The following FAM227B variants were observed in gnomAD, a reference collection of about 807,000 sequenced individuals.
FAM227B encodes protein FAM227B.
FAM227B carries 88 observed loss-of-function variants against 73.8 expected under a neutral mutation model. That is an observed-to-expected ratio of 1.19 (90% CI 1.00 to 1.42). The LOEUF (loss-of-function observed/expected upper bound fraction) is 1.42. Among genes scored for constraint, FAM227B ranks in the 40% most tolerant of loss-of-function variants. The pLI is 0.00. For missense variants in FAM227B, 632 were observed against 590.9 expected, an observed-to-expected ratio of 1.07 and a Z score of -0.72; for synonymous variants, 210 against 190.5, an observed-to-expected ratio of 1.10 and a Z score of -0.84.
chr15:49,584,841 C>T (rs182621831), intron 5 of FAM227B, among the ~76,000 whole-genome samples: 15 of 152,030 alleles, frequency 9.9e-5, no homozygotes, highest in Middle Eastern at 3.4e-3. Context: ...AAACACTTCT[C>T]GGATCTAATT....
chr15:49,338,458 A>C (rs989832936), intron 13 of FAM227B, among the ~76,000 whole-genome samples: 11 of 151,930 alleles, frequency 7.2e-5, no homozygotes, highest in African/African-American at 2.4e-4. Flanking sequence ...TTGGCTCCCA[A>C]TCTCTTCTGG....
At chr15:49,414,124 C>A (rs764441884) in intron 11 of FAM227B, among the ~76,000 whole-genome samples, 1 of 152,046 alleles carries the variant, frequency 6.6e-6, no homozygotes, top group Non-Finnish European at 1.5e-5. Context: ...ATAATGCACA[C>A]TATTCGAATA....
rs531639491 is a variant in FAM227B at position 49,415,155 on chromosome 15, T to G, written c.1013-43756A>C. ...CAGTTTTGCTACTAACACATTGATA[T>G]CCAGGAAACATTTTTAAAAGAAAAA... On this transcript the variant is annotated intron_variant, in intron 11 of 15. Coordinates refer to ENST00000299338, the MANE Select transcript of FAM227B (RefSeq NM_152647.3). 9.0e-4 allele frequency among the ~76,000 whole-genome samples: 137 copies of G among 152,296 alleles called. 5 individuals carry two copies. In the South Asian group the frequency reaches 0.027, roughly 30 times the overall value.
intron 11 of FAM227B, among the ~76,000 whole-genome samples, chr15:49,471,365 T>TA (rs1263483535): frequency 4.6e-5 from 7 of 151,632 alleles, no homozygotes; most frequent in African/African-American, 1.7e-4. Flanking sequence ...AACCTGTAAT[T>TA]ACAGCTACTC....
At chr15:49,581,327 ATTC>A (rs2075797114) in intron 5 of FAM227B, among the ~76,000 whole-genome samples, 1 of 151,238 alleles carries the variant, frequency 6.6e-6, no homozygotes. Context: ...TATATTCAGT[ATTC>A]TTTTTTTTTT....
At chr15:49,483,316 C>T in intron 11 of FAM227B, 1 of 822,708 alleles carries the variant, frequency 1.2e-6, no homozygotes, top group South Asian at 1.4e-5. Flanking sequence ...AATATCTCAC[C>T]TTTCTGAAAA....
intron 5 of FAM227B, among the ~76,000 whole-genome samples, chr15:49,586,004 T>C (rs1301087665): frequency 6.6e-6 from 1 of 152,162 alleles, no homozygotes; most frequent in Non-Finnish European, 1.5e-5. Flanking sequence ...CCAATCACAT[T>C]ATTCACAGAA....
chr15:49,393,309 C>T (rs886134421), intron 11 of FAM227B, among the ~76,000 whole-genome samples: 1 of 152,062 alleles, frequency 6.6e-6, no homozygotes, highest in East Asian at 1.9e-4. Context: ...ATCATTTCCT[C>T]TTTGTTTGGA....
intron 10 of FAM227B, among the ~76,000 whole-genome samples, chr15:49,524,003 G>C (rs1597868408): frequency 6.6e-6 from 1 of 150,772 alleles, no homozygotes; most frequent in East Asian, 1.9e-4. Flanking sequence ...CAGTTTTAAA[G>C]GGAAACAGAG....
Position 49,328,512 on chromosome 15 carries a change from C to CTGAT in FAM227B, c.*52_*55dup. On this transcript the variant is annotated 3_prime_UTR_variant, in exon 16 of 16. Transcript: ENST00000299338. ...AATTAAATATATTGTTACAATTAAA[C>CTGAT]TGATACCACTGAATTGTATGCATTA... The CTGAT allele has an allele frequency of 1.0e-5, 16 of 1,595,090 alleles. No homozygotes were observed. The Middle Eastern group carries it at 5.0e-4, about 50-fold the overall frequency.
intron 11 of FAM227B, chr15:49,395,905 G>A: frequency 4.4e-6 from 2 of 455,588 alleles, no homozygotes; most frequent in Middle Eastern, 3.3e-4. Flanking sequence ...AAACTTCCAG[G>A]TTCTTAATTT....
At chr15:49,339,212 T>G (rs1313807918) in intron 13 of FAM227B, among the ~76,000 whole-genome samples, 2 of 152,202 alleles carry the variant, frequency 1.3e-5, no homozygotes, top group African/African-American at 4.8e-5. Context: ...GAAGAGGCAT[T>G]CTGGTTTTTG....
chr15:49,601,041 CAAAAAAAAA>C (rs1215100007), intron 3 of FAM227B, among the ~76,000 whole-genome samples: 2 of 90,852 alleles, frequency 2.2e-5, no homozygotes, highest in Non-Finnish European at 4.3e-5. Flanking sequence ...GACTCTGTCT[CAAAAAAAAA>C]AAAAAAGAAT....
chr15:49,429,624 C>T (rs2050418316), intron 11 of FAM227B, among the ~76,000 whole-genome samples: 1 of 151,926 alleles, frequency 6.6e-6, no homozygotes, highest in African/African-American at 2.4e-5. Context: ...ATTTTTCTAT[C>T]TCTCAACCTT....
intron 2 of FAM227B, among the ~76,000 whole-genome samples, chr15:49,611,548 C>T (rs1450780277): frequency 6.6e-6 from 1 of 152,156 alleles, no homozygotes; most frequent in African/African-American, 2.4e-5. Flanking sequence ...GTCCTCATTT[C>T]AGATTCCTAA....
chr15:49,374,079 G>C (rs2046005681), intron 11 of FAM227B, among the ~76,000 whole-genome samples: 1 of 152,062 alleles, frequency 6.6e-6, no homozygotes, highest in African/African-American at 2.4e-5. Context: ...TGGGTAACTG[G>C]TTTTTCCATT....
At chr15:49,552,386 CTTTT>C (rs60670376) in intron 9 of FAM227B, among the ~76,000 whole-genome samples, 49,079 of 151,654 alleles carry the variant, frequency 0.32, 8,593 homozygotes, top group African/African-American at 0.45. Context: ...TTGTTTCTTT[CTTTT>C]ATCTTGCTGC....
chr15:49,565,999 A>G (rs1156717287), intron 9 of FAM227B, among the ~76,000 whole-genome samples: 1 of 152,186 alleles, frequency 6.6e-6, no homozygotes, highest in East Asian at 1.9e-4. Context: ...TCCTGCTGAC[A>G]CCTTGATTTT....
chr15:49,600,279 C>T (rs190700416), intron 3 of FAM227B, among the ~76,000 whole-genome samples: 4 of 151,926 alleles, frequency 2.6e-5, no homozygotes, highest in African/African-American at 9.7e-5. Flanking sequence ...CATCTCTTCA[C>T]CTTCAGTCTA....
Sources: allele counts gnomAD v4.1 joint callset (sites outside exome capture counted in the v4.1 genomes callset), GRCh38; gene constraint gnomAD v4.1.1; transcripts MANE v1.5; gene names NCBI Gene and HGNC (gene_info 2026-07-23, HGNC 2026-07-21).